CACNA2D3: variants seen among roughly 807,000 people sequenced by gnomAD.
CACNA2D3 encodes voltage-dependent calcium channel subunit alpha-2/delta-3.
In CACNA2D3, 60 loss-of-function variants were observed where a neutral mutation model predicts 160.6. The observed-to-expected ratio is 0.37, with a 90% CI of 0.30 to 0.46. CACNA2D3 has a LOEUF of 0.46. Among genes scored for constraint, CACNA2D3 ranks in the 20% least tolerant of loss-of-function variants. The pLI, the probability that CACNA2D3 is intolerant of heterozygous loss-of-function variation, is 1.00. For missense variants in CACNA2D3, 1,205 were observed against 1,365.0 expected (o/e 0.88, Z 1.85); for synonymous variants, 558 against 492.9 (o/e 1.13, Z -1.75).
chr3:54,392,893 G>A (rs75719702), intron 4 of CACNA2D3, among the ~76,000 whole-genome samples: 1,824 of 152,302 alleles, frequency 0.012, 30 homozygotes, highest in African/African-American at 0.04. Context: ...CTAGGAAAAA[G>A]GATTAGCAAG....
chr3:54,432,153 A>G (rs2106775541), intron 4 of CACNA2D3, among the ~76,000 whole-genome samples: 2 of 152,250 alleles, frequency 1.3e-5, no homozygotes, highest in East Asian at 1.9e-4. Flanking sequence ...TTGTGGTCTC[A>G]TTTTCATAAA....
At chr3:54,216,813 A>T (rs1701471112) in intron 2 of CACNA2D3, among the ~76,000 whole-genome samples, 2 of 152,188 alleles carry the variant, frequency 1.3e-5, no homozygotes, top group South Asian at 4.1e-4. Flanking sequence ...AAATCAGGAA[A>T]CCAGCCATCT....
intron 3 of CACNA2D3, among the ~76,000 whole-genome samples, chr3:54,363,620 A>G (rs1029516813): frequency 1.8e-4 from 27 of 152,134 alleles, no homozygotes; most frequent in African/African-American, 5.8e-4. Context: ...ACCCCCAATG[A>G]GCATGCCTGT....
Position 54,441,802 on chromosome 3 carries a change from C to G in CACNA2D3, c.381+55028C>G, listed in dbSNP as rs142742595. ...TTCATTGAAAAGATTATCCGTTACC[C>G]AACAGGGGCCCATGGGCTGAATGAA... On this transcript the variant is annotated intron_variant, in intron 4 of 37. Transcript: ENST00000474759. Among the ~76,000 whole-genome samples the G allele has an allele frequency of 5.8e-3, 878 of 152,206 alleles. 4 individuals are homozygous for G. The highest frequency in any genetic ancestry group is 0.02 in the South Asian group (97 of 4,824).
At chr3:54,632,606 G>C (rs1486981133) in intron 10 of CACNA2D3, 1 of 152,212 alleles carries the variant, frequency 6.6e-6, no homozygotes, top group Non-Finnish European at 1.5e-5. Flanking sequence ...TATTTATTGA[G>C]ACTTAAGTTT....
At chr3:54,479,283 A>T (rs1253425977) in intron 4 of CACNA2D3, among the ~76,000 whole-genome samples, 1 of 152,192 alleles carries the variant, frequency 6.6e-6, no homozygotes, top group African/African-American at 2.4e-5. Flanking sequence ...TGAGTCAATT[A>T]AACCTCTTTC....
At chr3:54,780,963 C>G (rs1702524042) in intron 13 of CACNA2D3, among the ~76,000 whole-genome samples, 2 of 152,254 alleles carry the variant, frequency 1.3e-5, no homozygotes, top group Non-Finnish European at 2.9e-5. Context: ...TGTAACAAAA[C>G]TGTATTGAAA....
intron 2 of CACNA2D3, among the ~76,000 whole-genome samples, chr3:54,258,674 A>C (rs927717029): frequency 6.6e-6 from 1 of 152,144 alleles, no homozygotes; most frequent in Non-Finnish European, 1.5e-5. Flanking sequence ...GTGCAGGAAA[A>C]AGATCCAACA....
chr3:54,321,406 T>C (rs2107508652), intron 3 of CACNA2D3, among the ~76,000 whole-genome samples: 1 of 152,244 alleles, frequency 6.6e-6, no homozygotes. Flanking sequence ...CTCAGTCTCC[T>C]GAGTAGCTGG....
intron 10 of CACNA2D3, among the ~76,000 whole-genome samples, chr3:54,640,300 A>C (rs966186079): frequency 1.3e-5 from 2 of 152,218 alleles, no homozygotes; most frequent in Non-Finnish European, 2.9e-5. Flanking sequence ...TTTAGAACAA[A>C]TGAATACACT....
Position 54,764,232 on chromosome 3 carries a change from A to T in CACNA2D3, c.1261A>T (p.Ile421Phe). ...ACANKGFFTQ[I>F]STLADVQENV... Reference sequence around the variant, plus strand: ...GGTTTTGACAGGATTTTTTACCCAGATCTCCACCTTGGCTGATGTGCAGGA... The same window carrying T: ...GGTTTTGACAGGATTTTTTACCCAGTTCTCCACCTTGGCTGATGTGCAGGA... The change falls in exon 13 of 38, where the codon ATC becomes TTC. Residue 421 changes from isoleucine (I) to phenylalanine (F), a missense_variant. Physicochemically the swap from Ile to Phe is conservative, Grantham distance 21. Around this residue, in one of 3 missense-constraint regions of CACNA2D3, gnomAD observed 911 missense variants for 1,002.2 expected, o/e 0.91. Coordinates refer to ENST00000474759, the MANE Select transcript of CACNA2D3 (RefSeq NM_018398.3). 1.9e-6 allele frequency: 3 copies of T among 1,613,650 alleles called. No homozygotes were observed. The highest frequency in any genetic ancestry group is 2.5e-6 in the Non-Finnish European group (3 of 1,179,744).
intron 9 of CACNA2D3, among the ~76,000 whole-genome samples, chr3:54,624,493 G>A (rs1392657237): frequency 1.3e-5 from 2 of 152,082 alleles, no homozygotes; most frequent in Non-Finnish European, 1.5e-5. Flanking sequence ...GTGGTGGCGG[G>A]CGCCTGTAGT....
At position 54,926,168 on chromosome 3, in the gene CACNA2D3, A is replaced by G. The variant is rs1701009665; in HGVS notation, c.2449+26300A>G. Reference sequence around the variant, plus strand: ...TATCCCTCCAGACATTTTAAAAACAATCATTAGTAATGACAAAAATCTCAA... The same window carrying G: ...TATCCCTCCAGACATTTTAAAAACAGTCATTAGTAATGACAAAAATCTCAA... On this transcript the variant is annotated intron_variant, in intron 27 of 37. Transcript: ENST00000474759. Among the ~76,000 whole-genome samples, 4 of 152,148 alleles carry G rather than the reference A, an allele frequency of 2.6e-5. No homozygotes were observed. In the South Asian group the frequency reaches 6.2e-4, roughly 24 times the overall value.
At chr3:54,682,817 C>T (rs1197012296) in intron 11 of CACNA2D3, among the ~76,000 whole-genome samples, 1 of 152,116 alleles carries the variant, frequency 6.6e-6, no homozygotes, top group Non-Finnish European at 1.5e-5. Flanking sequence ...GGGCTGAGCA[C>T]TGCTTGGAGA....
At chr3:54,207,010 G>A (rs1701287821) in intron 2 of CACNA2D3, among the ~76,000 whole-genome samples, 1 of 152,198 alleles carries the variant, frequency 6.6e-6, no homozygotes, top group Non-Finnish European at 1.5e-5. Context: ...CTGCCAGTCA[G>A]CCATGAACAG....
chr3:54,705,988 T>G (rs1483166815), intron 11 of CACNA2D3, among the ~76,000 whole-genome samples: 1 of 152,224 alleles, frequency 6.6e-6, no homozygotes, highest in Non-Finnish European at 1.5e-5. Context: ...CTGTTCCGGC[T>G]TCTGTGCTCC....
chr3:54,147,871 A>G (rs1396215213), intron 2 of CACNA2D3, among the ~76,000 whole-genome samples: 2 of 152,228 alleles, frequency 1.3e-5, no homozygotes, highest in Admixed American at 1.3e-4. Context: ...CACTGGCACC[A>G]TCTCGGCTCA....
At chr3:54,286,158 G>C (rs113657159) in intron 2 of CACNA2D3, among the ~76,000 whole-genome samples, 1 of 152,056 alleles carries the variant, frequency 6.6e-6, no homozygotes, top group Non-Finnish European at 1.5e-5. Context: ...TCAAACCAAT[G>C]GCAAAGAAGT....
Position 54,232,075 on chromosome 3 carries a change from G to A in CACNA2D3, c.205-88367G>A, listed in dbSNP as rs76113592. On this transcript the variant is annotated intron_variant, in intron 2 of 37. Transcript: ENST00000474759. ...TGTGGCCTTGGGGGCGGCCCCAGCT[G>A]TGTAAACACATGTGTATATGTGCAT... is the stretch of plus-strand genomic sequence containing the variant. 5.6e-3 allele frequency among the ~76,000 whole-genome samples: 846 copies of A among 152,356 alleles called. 26 individuals carry two copies. In the East Asian group the frequency reaches 0.11, roughly 19 times the overall value.
Sources: gnomAD v4.1 joint callset for allele counts (sites outside exome capture counted in the v4.1 genomes callset) on GRCh38, gnomAD v4.1.1 for gene constraint, gnomAD v4.1.1 regional missense constraint, MANE v1.5 for transcripts, NCBI Gene and HGNC (gene_info 2026-07-23, HGNC 2026-07-21) for gene names.